TTC23L: variants seen among roughly 807,000 people sequenced by gnomAD.
The protein encoded by TTC23L is tetratricopeptide repeat domain 23 like, also known as tetratricopeptide repeat protein 23-like.
In TTC23L, 42 loss-of-function variants were observed where a neutral mutation model predicts 48.1. The ratio of observed to expected loss-of-function variants is 0.87; its 90% CI spans 0.68 to 1.13. The LOEUF (loss-of-function observed/expected upper bound fraction) is 1.13, where lower values mean the gene tolerates loss of function less well. Ranked by LOEUF, TTC23L falls within the 50% of genes most tolerant of loss-of-function variation. The probability of loss-of-function intolerance (pLI) is 0.00; values close to 1 mark genes in which losing one functional copy is unlikely to be tolerated. For missense variants in TTC23L, 391 were observed against 421.0 expected, an observed-to-expected ratio of 0.93 and a Z score of 0.62; for synonymous variants, 159 against 157.2, an observed-to-expected ratio of 1.01 and a Z score of -0.09.
chr5:34,909,032 A>G, the TTC23L span: 2 of 1,267,252 alleles, frequency 1.6e-6, no homozygotes, highest in Non-Finnish European at 2.2e-6. Context: ...AAAGTAGCAA[A>G]TCTAAGAATA....
At chr5:34,892,530 T>C (rs1176790957) in intron 9 of TTC23L, among the ~76,000 whole-genome samples, 1 of 152,184 alleles carries the variant, frequency 6.6e-6, no homozygotes, top group Non-Finnish European at 1.5e-5. Flanking sequence ...TATAGTCCCT[T>C]ACGTGAAAAC....
exon 7 of TTC23L, chr5:34,867,029 TGAG>T: frequency 6.2e-7 from 1 of 1,612,210 alleles, no homozygotes; most frequent in Non-Finnish European, 8.5e-7. Flanking sequence ...ATAGAGCAGC[TGAG>T]GAGGAACCAC....
intron 9 of TTC23L, among the ~76,000 whole-genome samples, chr5:34,881,113 T>TA (rs1485663721): frequency 6.6e-6 from 1 of 152,178 alleles, no homozygotes. Context: ...GGAATATTAG[T>TA]AAAAAAATAT....
At chr5:34,905,081 G>T in the TTC23L span, among the ~76,000 whole-genome samples, 4 of 152,216 alleles carry the variant, frequency 2.6e-5, no homozygotes, top group Non-Finnish European at 4.4e-5. Flanking sequence ...GCTGCTTTTG[G>T]TGTTTCTGTT....
At chr5:34,908,521 A>C in the TTC23L span, 1 of 329,674 alleles carries the variant, frequency 3.0e-6, no homozygotes, top group African/African-American at 2.1e-5. Flanking sequence ...CATGAGTTCA[A>C]AAGACAGAAC....
chr5:34,924,998 A>G, the TTC23L span: 881 of 1,609,508 alleles, frequency 5.5e-4, 2 homozygotes, highest in African/African-American at 0.01. Context: ...GTCATTCAGT[A>G]GTCTTCAATG....
At chr5:34,862,902 C>T in exon 5 of TTC23L, 2 of 1,613,888 alleles carry the variant, frequency 1.2e-6, no homozygotes, top group Non-Finnish European at 1.7e-6. Flanking sequence ...CCCCAGGCCT[C>T]CCAGTTCAGG....
At chr5:34,857,394 C>A (rs1158351776) in intron 4 of TTC23L, among the ~76,000 whole-genome samples, 2 of 152,258 alleles carry the variant, frequency 1.3e-5, no homozygotes, top group East Asian at 3.9e-4. Context: ...GTTGCAAAAT[C>A]CAGAAAAAGA....
intron 2 of TTC23L, 32 bp downstream of exon 2, chr5:34,840,771 A>G (rs758580729): frequency 1.2e-6 from 2 of 1,601,216 alleles, no homozygotes; most frequent in Admixed American, 1.7e-5. Context: ...CATCACAGGT[A>G]CTTACTGGGC....
intron 9 of TTC23L, among the ~76,000 whole-genome samples, chr5:34,887,595 G>A (rs1240289846): frequency 6.6e-6 from 1 of 152,142 alleles, no homozygotes; most frequent in African/African-American, 2.4e-5. Flanking sequence ...TTTAAGAATT[G>A]TGTACAGAAT....
chr5:34,914,099 A>G, the TTC23L span: 2 of 422,438 alleles, frequency 4.7e-6, no homozygotes, highest in Non-Finnish European at 9.8e-6. Context: ...TACGTGTTAA[A>G]AAACGCTTAG....
At chr5:34,911,634 C>T in the TTC23L span, 1 of 1,614,070 alleles carries the variant, frequency 6.2e-7, no homozygotes, top group Non-Finnish European at 8.5e-7. Flanking sequence ...CTTCACGGAG[C>T]CCCTCTGACT....
chr5:34,912,053 A>G, the TTC23L span, among the ~76,000 whole-genome samples: 127 of 152,376 alleles, frequency 8.3e-4, 1 homozygote, highest in East Asian at 0.022. Context: ...AATCATTTTC[A>G]GGTTGTCATA....
At chr5:34,910,432 C>CT in the TTC23L span, among the ~76,000 whole-genome samples, 7,962 of 143,662 alleles carry the variant, frequency 0.055, 288 homozygotes, top group South Asian at 0.11. Context: ...TTTTTCTTTT[C>CT]TTTTTTTTTT....
the TTC23L span, chr5:34,908,637 G>T: frequency 1.3e-6 from 1 of 775,426 alleles, no homozygotes. Context: ...ACATGACCTT[G>T]CTCCTATCTT....
Position 34,890,515 on chromosome 5 carries a change from C to T in TTC23L, c.1078-6255C>T, listed in dbSNP as rs552228707. Among the ~76,000 whole-genome samples, 30 of 150,916 alleles carry T rather than the reference C, an allele frequency of 2.0e-4. No individual in the cohort carries two copies. In the South Asian group the frequency reaches 4.2e-3, roughly 21 times the overall value. ...AGCTGGTAAATGTAAGATTTGAATCCGGGTTGATCAGATTTCAAAAATGCC... is the reference window on the plus strand; with the variant it reads ...AGCTGGTAAATGTAAGATTTGAATCTGGGTTGATCAGATTTCAAAAATGCC... On this transcript the variant is annotated intron_variant, in intron 9 of 10. Transcript: ENST00000505624.
chr5:34,845,954 T>C (rs190097658), intron 3 of TTC23L, among the ~76,000 whole-genome samples: 269 of 152,166 alleles, frequency 1.8e-3, no homozygotes, highest in South Asian at 3.9e-3. Context: ...CCCAACACCT[T>C]GGAAAACCGA....
chr5:34,877,862 T>C (rs1203470939), intron 8 of TTC23L, among the ~76,000 whole-genome samples: 1 of 152,206 alleles, frequency 6.6e-6, no homozygotes, highest in Admixed American at 6.5e-5. Flanking sequence ...AAATAAAAAC[T>C]ATACTATAAT....
rs1759568887 is a variant in TTC23L, at chr5:34,850,313, T to G, written c.379+5T>G. On this transcript the variant is annotated splice_donor_5th_base_variant and intron_variant, in intron 4 of 10. Transcript: ENST00000505624. Reference sequence around the variant, plus strand: ...ATGGCTACTTGACACTGAGAGGTACTTGGTTTTCCCAGCTGGGTTTGGGTG... The same window carrying G: ...ATGGCTACTTGACACTGAGAGGTACGTGGTTTTCCCAGCTGGGTTTGGGTG... 3.1e-6 allele frequency: 5 copies of G among 1,613,314 alleles called. No homozygotes were observed. Among genetic ancestry groups the G allele is most frequent in the Non-Finnish European group, 4.2e-6 (5 of 1,179,548 alleles).
Sources: allele counts gnomAD v4.1 joint callset (sites outside exome capture counted in the v4.1 genomes callset), GRCh38; gene constraint gnomAD v4.1.1; transcripts MANE v1.5; gene names NCBI Gene and HGNC (gene_info 2026-07-23, HGNC 2026-07-21).